FCHSD2: variants seen among roughly 807,000 people sequenced by gnomAD.
The protein encoded by FCHSD2 is F-BAR and double SH3 domains protein 2.
A neutral mutation model predicts 108.1 loss-of-function variants in FCHSD2; 38 were observed. The ratio of observed to expected loss-of-function variants is 0.35; its 90% CI spans 0.27 to 0.46. The LOEUF (loss-of-function observed/expected upper bound fraction) is 0.46. Ranked by LOEUF, FCHSD2 falls within the 20% of genes least tolerant of loss-of-function variation. The pLI is 1.00. For missense variants in FCHSD2, 751 were observed against 897.8 expected (o/e 0.84, Z 2.09); for synonymous variants, 279 against 314.7 (o/e 0.89, Z 1.20).
intron 8 of FCHSD2, among the ~76,000 whole-genome samples, chr11:72,928,367 T>C (rs1856120578): frequency 1.3e-5 from 2 of 152,300 alleles, no homozygotes; most frequent in South Asian, 4.1e-4. Flanking sequence ...ATTAGCACCA[T>C]CTCTCATCAC....
At chr11:73,013,123 A>C (rs988527533) in intron 4 of FCHSD2, among the ~76,000 whole-genome samples, 1 of 152,140 alleles carries the variant, frequency 6.6e-6, no homozygotes, top group Admixed American at 6.5e-5. Context: ...CAAACTCTAT[A>C]CTGTGATATG....
At chr11:73,055,299 C>A (rs1858998917) in intron 3 of FCHSD2, among the ~76,000 whole-genome samples, 1 of 151,416 alleles carries the variant, frequency 6.6e-6, no homozygotes, top group African/African-American at 2.4e-5. Flanking sequence ...GCCATGATCA[C>A]CCCACTGGAC....
At chr11:72,867,047 C>A (rs1276142398) in intron 13 of FCHSD2, among the ~76,000 whole-genome samples, 1 of 152,158 alleles carries the variant, frequency 6.6e-6, no homozygotes, top group Non-Finnish European at 1.5e-5. Flanking sequence ...GAAGATATGG[C>A]AATTACATTC....
At chr11:72,840,804 G>T in intron 19 of FCHSD2, 73 bp downstream of exon 19, 2 of 1,144,218 alleles carry the variant, frequency 1.7e-6, no homozygotes, top group Non-Finnish European at 2.6e-6. Context: ...AGGGGCCACG[G>T]GGAAACATTA....
chr11:73,118,027 T>A (rs1047768564), intron 2 of FCHSD2, among the ~76,000 whole-genome samples: 1 of 152,044 alleles, frequency 6.6e-6, no homozygotes, highest in Non-Finnish European at 1.5e-5. Flanking sequence ...TATCAAGACA[T>A]AGAATGGGGC....
chr11:73,080,111 CAACATA>C (rs1234633076), intron 3 of FCHSD2, among the ~76,000 whole-genome samples: 1 of 151,674 alleles, frequency 6.6e-6, no homozygotes, highest in Non-Finnish European at 1.5e-5. Flanking sequence ...CCAGCCTGGG[CAACATA>C]GTAAGACCCT....
intron 3 of FCHSD2, among the ~76,000 whole-genome samples, chr11:73,072,967 CTG>C (rs996134147): frequency 1.3e-5 from 2 of 152,178 alleles, no homozygotes; most frequent in Admixed American, 6.5e-5. Context: ...TGTGTTTACT[CTG>C]TGTTTGTCTT....
At chr11:72,883,680 C>T (rs766195335) in intron 12 of FCHSD2, among the ~76,000 whole-genome samples, 12 of 152,120 alleles carry the variant, frequency 7.9e-5, no homozygotes, top group Non-Finnish European at 1.2e-4. Flanking sequence ...GCCTGTAATC[C>T]CAGCACTCTG....
chr11:72,875,997 T>G (rs935077771), intron 12 of FCHSD2, among the ~76,000 whole-genome samples: 5 of 152,186 alleles, frequency 3.3e-5, no homozygotes, highest in African/African-American at 1.2e-4. Context: ...AGTAATTGCT[T>G]GAGTAACCTC....
At chr11:72,961,740 G>A (rs1420616408) in intron 8 of FCHSD2, among the ~76,000 whole-genome samples, 1 of 152,142 alleles carries the variant, frequency 6.6e-6, no homozygotes, top group Non-Finnish European at 1.5e-5. Context: ...TTTGTTTATA[G>A]TTAATCACAT....
chr11:72,882,904 T>C (rs1051243466), intron 12 of FCHSD2, among the ~76,000 whole-genome samples: 1 of 152,200 alleles, frequency 6.6e-6, no homozygotes, highest in East Asian at 1.9e-4. Context: ...TTGGAGGAAT[T>C]ATACTATCTG....
intron 14 of FCHSD2, among the ~76,000 whole-genome samples, chr11:72,844,329 C>T (rs1253838698): frequency 6.6e-6 from 1 of 152,154 alleles, no homozygotes; most frequent in East Asian, 1.9e-4. Flanking sequence ...TCTGGAATCA[C>T]TGTAAAGCAG....
chr11:72,994,419 T>TAGTAGC (rs1651508090), intron 5 of FCHSD2, among the ~76,000 whole-genome samples: 1 of 152,118 alleles, frequency 6.6e-6, no homozygotes, highest in African/African-American at 2.4e-5. Flanking sequence ...GCAGTAGTAG[T>TAGTAGC]AGTAGCAGTG....
intron 8 of FCHSD2, among the ~76,000 whole-genome samples, chr11:72,931,193 C>T (rs1856183699): frequency 6.7e-6 from 1 of 148,604 alleles, no homozygotes; most frequent in African/African-American, 2.5e-5. Context: ...CTCCCGGGTT[C>T]AAGTGATTCT....
intron 8 of FCHSD2, among the ~76,000 whole-genome samples, chr11:72,954,865 T>C (rs559243105): frequency 2.0e-5 from 3 of 152,158 alleles, no homozygotes; most frequent in Admixed American, 6.5e-5. Flanking sequence ...TGTGAATTGA[T>C]ATCTATACAT....
At chr11:72,983,988 C>T in intron 8 of FCHSD2, 100 bp downstream of exon 8, 2 of 888,658 alleles carry the variant, frequency 2.3e-6, no homozygotes, top group South Asian at 2.9e-5. Flanking sequence ...CATAGCCTGG[C>T]TACTCTTTTA....
intron 8 of FCHSD2, among the ~76,000 whole-genome samples, chr11:72,960,304 C>T (rs988729040): frequency 6.6e-6 from 1 of 152,198 alleles, no homozygotes; most frequent in Non-Finnish European, 1.5e-5. Context: ...ATGACCCAAA[C>T]ACCTCCCATT....
intron 8 of FCHSD2, chr11:72,941,051 G>A (rs1426705663): frequency 1.5e-6 from 1 of 680,018 alleles, no homozygotes; most frequent in African/African-American, 1.8e-5. Flanking sequence ...CATGCTATTG[G>A]TGGTTCTTGC....
chr11:73,124,271 G>T (rs953037323), intron 2 of FCHSD2, among the ~76,000 whole-genome samples: 2 of 152,148 alleles, frequency 1.3e-5, no homozygotes, highest in South Asian at 2.1e-4. Flanking sequence ...GGGATGGGGG[G>T]ACGGGGAAGG....
Sources: allele counts gnomAD v4.1 joint callset (sites outside exome capture counted in the v4.1 genomes callset), GRCh38; gene constraint gnomAD v4.1.1; transcripts MANE v1.5; gene names NCBI Gene and HGNC (gene_info 2026-07-23, HGNC 2026-07-21).